RIPOR3: variants seen among roughly 807,000 people sequenced by gnomAD.
RIPOR3 encodes RIPOR family member 3.
A neutral mutation model predicts 114.3 loss-of-function variants in RIPOR3; 95 were observed. The observed-to-expected ratio is 0.83, with a 90% CI of 0.70 to 0.99. The LOEUF (loss-of-function observed/expected upper bound fraction) is 0.99. RIPOR3 is among the 50% of genes least tolerant of loss of function. RIPOR3 has a pLI of 0.00. For missense variants in RIPOR3, 1,252 were observed against 1,266.9 expected (o/e 0.99, Z 0.18); for synonymous variants, 575 against 543.8 (o/e 1.06, Z -0.80).
chr20:50,587,882 C>T lies in RIPOR3; in HGVS notation c.2672G>A (p.Ser891Asn), dbSNP rs1568808102. Residue 891 changes from serine (S) to asparagine (N), a missense_variant, in exon 21 of 22, where the codon AGC becomes AAC. Coordinates refer to ENST00000327979, the MANE Select transcript of RIPOR3 (RefSeq NM_001290268.2). ...GCACAGGCTGGCAGTCTGGTCGATG[C>T]TTTCAATGCCCTGTTCGAGATTAGG... is the stretch of plus-strand genomic sequence containing the variant. ...LALKHLKGIESIDQTASLCQS... is the reference protein window; with the variant it reads ...LALKHLKGIENIDQTASLCQS... The T allele has an allele frequency of 6.2e-7, 1 of 1,614,142 alleles. No individual in the cohort carries two copies. Among genetic ancestry groups the T allele is most frequent in the East Asian group, 2.2e-5 (1 of 44,880 alleles).
At chr20:50,588,085 G>C (rs921751589) in intron 20 of RIPOR3, among the ~76,000 whole-genome samples, 193 bp from the exon 21 acceptor site, 1 of 152,160 alleles carries the variant, frequency 6.6e-6, no homozygotes, top group African/African-American at 2.4e-5. Context: ...GAAGCGTCTC[G>C]CCTCTTCAGC....
intron 1 of RIPOR3, chr20:50,636,924 AGTC>A (rs2123295653): frequency 1.0e-6 from 1 of 985,298 alleles, no homozygotes; most frequent in Admixed American, 6.1e-5. Flanking sequence ...TTTATGCCTG[AGTC>A]CCTCACTTAG....
rs573239020 is a variant in RIPOR3, at chr20:50,597,787, C to T, written c.1660-77G>A. 3.2e-4 allele frequency: 490 copies of T among 1,543,054 alleles called. 2 individuals are homozygous for T. The highest frequency in any genetic ancestry group is 2.2e-3 in the Admixed American group (115 of 52,786). On this transcript the variant is annotated intron_variant, in intron 13 of 21. Transcript: ENST00000327979. ...ACTGGGACACTGGCCAGGGGCCTCACGGCAGACTTGGGCAATGTCCCGGTC... is the reference window on the plus strand; with the variant it reads ...ACTGGGACACTGGCCAGGGGCCTCATGGCAGACTTGGGCAATGTCCCGGTC...
In RIPOR3 at chr20:50,594,664, A is replaced by T; in HGVS notation, c.2101T>A (p.Cys701Ser). 1 of 1,613,416 alleles carries T rather than the reference A, an allele frequency of 6.2e-7. No individual in the cohort carries two copies. The highest frequency in any genetic ancestry group is 8.5e-7 in the Non-Finnish European group (1 of 1,179,772). Reference sequence around the variant, plus strand: ...GACAGGACCCTGCCAGGCCCTGTGCACCCTCTCCACAGCTTCAGGCACCCC... The same window carrying T: ...GACAGGACCCTGCCAGGCCCTGTGCTCCCTCTCCACAGCTTCAGGCACCCC... ...TKGCLKLWRG[C>S]TGPGRVLSCP... is the part of the protein sequence containing the mutation. The change falls in exon 17 of 22, where the codon TGC becomes AGC. Residue 701 changes from cysteine to serine, a missense_variant. By Grantham distance (112) the Cys-to-Ser change is moderately radical. Transcript: ENST00000327979.
chr20:50,678,255 T>C (rs891539031), intron 1 of RIPOR3, among the ~76,000 whole-genome samples: 2 of 152,186 alleles, frequency 1.3e-5, no homozygotes, highest in African/African-American at 4.8e-5. Context: ...GTTTCCTCTC[T>C]CCAGTCCACA....
chr20:50,652,451 C>T lies in RIPOR3; in HGVS notation c.4-21595G>A, dbSNP rs141309972. Among the ~76,000 whole-genome samples the T allele has an allele frequency of 2.8e-3, 433 of 151,972 alleles. 4 individuals carry two copies. Among genetic ancestry groups the T allele is most frequent in the Middle Eastern group, 0.01 (3 of 294 alleles). ...ACTGAAAATACACAAATTAGCCAGG[C>T]GTGGTGGCGGGCGCCTGTAATCCCA... is the stretch of plus-strand genomic sequence containing the variant. On this transcript the variant is annotated intron_variant, in intron 1 of 21. Coordinates refer to ENST00000327979, the MANE Select transcript of RIPOR3 (RefSeq NM_001290268.2).
chr20:50,609,851 C>T, intron 6 of RIPOR3, 129 bp from the exon 7 acceptor site: 2 of 1,054,706 alleles, frequency 1.9e-6, no homozygotes, highest in South Asian at 4.5e-5. Context: ...CCCATGGTGA[C>T]AGTCACTACC....
At position 50,620,274 on chromosome 20, in the gene RIPOR3, CAGT is replaced by C. The variant is rs956523927; in HGVS notation, c.123-145_123-143del. ...CAGTCCCACCCCCATCACCACCAAG[CAGT>C]GTGGTTTCCAGAAAGTTATGGAGCC... On this transcript the variant is annotated intron_variant, in intron 2 of 21. Coordinates refer to ENST00000327979, the MANE Select transcript of RIPOR3 (RefSeq NM_001290268.2). The C allele has an allele frequency of 1.1e-5, 11 of 974,850 alleles. No homozygotes were observed. In the African/African-American group the frequency reaches 1.6e-4, roughly 15 times the overall value. The allele number at this position is 974,850 out of a possible 1,614,324, so 60.4% of individuals were successfully genotyped here.
intron 1 of RIPOR3, among the ~76,000 whole-genome samples, chr20:50,675,850 C>T (rs568115130): frequency 1.3e-5 from 2 of 152,304 alleles, no homozygotes; most frequent in South Asian, 4.1e-4. Flanking sequence ...CATTTGTTCA[C>T]GCATTCAGGG....
Position 50,620,102 on chromosome 20 carries a change from C to A in RIPOR3, c.153G>T (p.Ser51=). ...AKSINRNSVR[S]RMPAKSSKMY... ...TCTTGGAGGATTTTGCAGGCATTCG[C>A]GATCTCACGGAGTTCCTGTTGATGG... is the stretch of plus-strand genomic sequence containing the variant. The change falls in exon 3 of 22, where the codon TCG becomes TCT. Residue 51 remains serine, a synonymous_variant. Transcript: ENST00000327979. 6.2e-7 allele frequency: 1 copy of A among 1,614,066 alleles called. No homozygotes were observed. Among genetic ancestry groups the A allele is most frequent in the Non-Finnish European group, 8.5e-7 (1 of 1,179,992 alleles).
In RIPOR3 at chr20:50,604,750, C is replaced by T. The variant is rs758562948; in HGVS notation, c.981G>A (p.Leu327=). 1 of 1,608,394 alleles carries T rather than the reference C, an allele frequency of 6.2e-7. No individual in the cohort carries two copies. Among genetic ancestry groups the T allele is most frequent in the Non-Finnish European group, 8.5e-7 (1 of 1,178,006 alleles). ...ACTTGCCCGTGGGGCTGGGTGACAC[C>T]AGGAAGCTCTCAGTATCAAACGGGC... ...QWNPFDTESF[L]VSPSPTGKFS... is the part of the protein sequence containing the mutation. The change falls in exon 12 of 22, where the codon CTG becomes CTA. Residue 327 remains leucine (L), a synonymous_variant. Transcript: ENST00000327979.
intron 11 of RIPOR3, 117 bp from the exon 12 acceptor site, chr20:50,604,891 T>G: frequency 8.1e-7 from 1 of 1,238,130 alleles, no homozygotes. Context: ...TACAATACAA[T>G]AGCATGGATG....
In RIPOR3 at chr20:50,608,240, G is replaced by A. The variant is rs985678999; in HGVS notation, c.956+149C>T. On this transcript the variant is annotated intron_variant, in intron 11 of 21. Coordinates refer to ENST00000327979, the MANE Select transcript of RIPOR3 (RefSeq NM_001290268.2). ...AGAAGTTCTAGGCCTCGACCTGACTGAGGGGTGGGAGTGAGGGACAGATGA... is the reference window on the plus strand; with the variant it reads ...AGAAGTTCTAGGCCTCGACCTGACTAAGGGGTGGGAGTGAGGGACAGATGA... The A allele has an allele frequency of 7.3e-6, 8 of 1,101,988 alleles. No homozygotes were observed. In the Admixed American group the frequency reaches 1.2e-4, roughly 17 times the overall value. The allele number at this position is 1,101,988 out of a possible 1,614,324, so 68.3% of individuals were successfully genotyped here.
At position 50,609,350 on chromosome 20, in the gene RIPOR3, A is replaced by T; in HGVS notation, c.583T>A (p.Trp195Arg). The T allele has an allele frequency of 6.2e-7, 1 of 1,613,732 alleles. No homozygotes were observed. The highest frequency in any genetic ancestry group is 2.2e-5 in the East Asian group (1 of 44,854). Residue 195 changes from tryptophan (W) to arginine (R), a missense_variant, in exon 8 of 22, where the codon TGG (tryptophan) becomes AGG (arginine). By Grantham distance (101) the Trp-to-Arg change is moderately radical. Coordinates refer to ENST00000327979, the MANE Select transcript of RIPOR3 (RefSeq NM_001290268.2). The part of the protein sequence containing the change: ...RSLHECAEDM[W>R]LIEGALEVHL... ...ACCTCCAGGGCCCCCTCGATGAGCCACATGTCCTGCAAAGCCCCGGAGGTG... is the reference window on the plus strand; with the variant it reads ...ACCTCCAGGGCCCCCTCGATGAGCCTCATGTCCTGCAAAGCCCCGGAGGTG...
rs1254847871 is a variant in RIPOR3 at position 50,644,041 on chromosome 20, GC to G, written c.4-13186del. Among the ~76,000 whole-genome samples, 8 of 151,638 alleles carry G rather than the reference GC, an allele frequency of 5.3e-5. No homozygotes were observed. In the East Asian group the frequency reaches 1.4e-3, roughly 26 times the overall value. On this transcript the variant is annotated intron_variant, in intron 1 of 21. Coordinates refer to ENST00000327979, the MANE Select transcript of RIPOR3 (RefSeq NM_001290268.2). ...AGGCTAAGGCAGGAGGATTTCTTGA[GC>G]CCAGGAGTTCAAGGCTGCAGTGAGC...
chr20:50,619,404 G>A (rs2123150600), intron 3 of RIPOR3, among the ~76,000 whole-genome samples: 1 of 148,802 alleles, frequency 6.7e-6, no homozygotes, highest in South Asian at 2.1e-4. Context: ...TTGTGCCACT[G>A]CACTTGAGCC....
chr20:50,626,061 G>GCAC (rs2084607697), intron 2 of RIPOR3, among the ~76,000 whole-genome samples: 1 of 152,240 alleles, frequency 6.6e-6, no homozygotes, highest in Admixed American at 6.5e-5. Flanking sequence ...CTGCCAGGTT[G>GCAC]TTTGCCTTGA....
At chr20:50,628,582 C>G (rs1021181187) in intron 2 of RIPOR3, among the ~76,000 whole-genome samples, 6 of 152,154 alleles carry the variant, frequency 3.9e-5, no homozygotes, top group African/African-American at 9.7e-5. Context: ...TCGTCAGGCT[C>G]TCCCAGGAGA....
chr20:50,619,305 A>T lies in RIPOR3; in HGVS notation c.269+681T>A, dbSNP rs139763195. Among the ~76,000 whole-genome samples the T allele has an allele frequency of 1.6e-4, 25 of 151,650 alleles. 1 individual carries two copies. The East Asian group carries it at 4.9e-3, about 29-fold the overall frequency. On this transcript the variant is annotated intron_variant, in intron 3 of 21. Coordinates refer to ENST00000327979, the MANE Select transcript of RIPOR3 (RefSeq NM_001290268.2). ...GAAAAAAAAAAATTAGCCAGGTGTG[A>T]TGGTGCGTACCTGCAGTCCCAGCTA...
Sources: allele counts gnomAD v4.1 joint callset (sites outside exome capture counted in the v4.1 genomes callset), GRCh38; gene constraint gnomAD v4.1.1; transcripts MANE v1.5; gene names NCBI Gene and HGNC (gene_info 2026-07-23, HGNC 2026-07-21).